CHD7: variants seen among roughly 807,000 people sequenced by gnomAD.
CHD7 encodes ATP-dependent chromatin remodeler CHD7.
Under a neutral mutation model 307.3 loss-of-function variants are expected in CHD7, and 24 were observed. The ratio of observed to expected loss-of-function variants is 0.08; its 90% confidence interval spans 0.06 to 0.11. CHD7 has a LOEUF of 0.11. Among genes scored for constraint, CHD7 ranks in the 10% least tolerant of loss-of-function variants. The pLI, the probability that CHD7 is intolerant of heterozygous loss-of-function variation, is 1.00. For missense variants in CHD7, 3,106 were observed against 3,727.1 expected, an observed-to-expected ratio of 0.83 and a Z score of 4.34; for synonymous variants, 1,363 against 1,349.9, an observed-to-expected ratio of 1.01 and a Z score of -0.21.
chr8:60,808,427 T>C (rs1274071819), intron 7 of CHD7, among the ~76,000 whole-genome samples, 155 bp downstream of exon 7: 1 of 152,230 alleles, frequency 6.6e-6, no homozygotes, highest in Non-Finnish European at 1.5e-5. Context: ...TTTTGTATGT[T>C]TGATATTTTA....
At chr8:60,765,565 G>T (rs187725066) in intron 2 of CHD7, among the ~76,000 whole-genome samples, 4 of 152,350 alleles carry the variant, frequency 2.6e-5, no homozygotes, top group Non-Finnish European at 5.9e-5. Context: ...AAGAGAGTGG[G>T]AAAGGACATT....
At chr8:60,784,093 T>A (rs943990885) in intron 3 of CHD7, among the ~76,000 whole-genome samples, 1 of 152,146 alleles carries the variant, frequency 6.6e-6, no homozygotes, top group African/African-American at 2.4e-5. Context: ...ATAACTAGAG[T>A]GCATACAACT....
chr8:60,763,729 A>T (rs925385055), intron 2 of CHD7, among the ~76,000 whole-genome samples: 4 of 152,156 alleles, frequency 2.6e-5, no homozygotes, highest in Non-Finnish European at 4.4e-5. Flanking sequence ...AAGCTCTTTA[A>T]GCCCAGCATA....
intron 3 of CHD7, among the ~76,000 whole-genome samples, chr8:60,785,527 T>C (rs1811450882): frequency 6.6e-6 from 1 of 152,226 alleles, no homozygotes. Context: ...AGCAGCTTTC[T>C]CTGAGGAACT....
intron 21 of CHD7, among the ~76,000 whole-genome samples, chr8:60,844,377 C>T (rs943147204): frequency 5.3e-5 from 8 of 152,318 alleles, no homozygotes; most frequent in South Asian, 4.1e-4. Flanking sequence ...CAGAACCTTT[C>T]ACCAGTGACT....
intron 1 of CHD7, among the ~76,000 whole-genome samples, chr8:60,681,550 C>T (rs1011263036): frequency 1.3e-5 from 2 of 152,018 alleles, no homozygotes; most frequent in Non-Finnish European, 2.9e-5. Flanking sequence ...AAAAATCTGT[C>T]TTGTAGAAAA....
chr8:60,774,305 T>A (rs946172865), intron 2 of CHD7, among the ~76,000 whole-genome samples: 3 of 152,200 alleles, frequency 2.0e-5, no homozygotes, highest in African/African-American at 7.2e-5. Context: ...AGCAATAATA[T>A]AACTCACCTC....
chr8:60,780,167 A>G (rs1473857614), intron 2 of CHD7, among the ~76,000 whole-genome samples: 2 of 152,228 alleles, frequency 1.3e-5, no homozygotes, highest in African/African-American at 4.8e-5. Context: ...AGGCTGTTGT[A>G]TGCAGGAGTC....
Position 60,783,895 on chromosome 8 carries a change from T to C in CHD7, c.2096+2465T>C, listed in dbSNP as rs376151262. Among the ~76,000 whole-genome samples, 4 of 152,320 alleles carry C rather than the reference T, an allele frequency of 2.6e-5. No individual in the cohort carries two copies. The East Asian group carries it at 5.8e-4, about 22-fold the overall frequency. The stretch of plus-strand genomic sequence containing the variant: ...AGGACATTCCTGAACTTCCCTGTTG[T>C]TGACAGTCAAACAGGGATGGCTGTC... On this transcript the variant is annotated intron_variant, in intron 3 of 37. Coordinates refer to ENST00000423902, the MANE Select transcript of CHD7 (RefSeq NM_017780.4).
intron 4 of CHD7, 93 bp downstream of exon 4, chr8:60,795,220 A>G: frequency 1.7e-6 from 2 of 1,184,220 alleles, no homozygotes; most frequent in Non-Finnish European, 2.4e-6. Flanking sequence ...CTATCTTGTT[A>G]TAGAGATGCT....
At chr8:60,798,206 T>A (rs949464791) in intron 4 of CHD7, among the ~76,000 whole-genome samples, 5 of 149,272 alleles carry the variant, frequency 3.3e-5, no homozygotes, top group African/African-American at 1.3e-4. Context: ...TCTGCTGGAA[T>A]CTCTGTTTCC....
chr8:60,739,980 CA>C (rs1563557387), intron 1 of CHD7, among the ~76,000 whole-genome samples: 2 of 152,100 alleles, frequency 1.3e-5, no homozygotes, highest in African/African-American at 4.8e-5. Flanking sequence ...AGTTAAATTC[CA>C]AAGATGTTTA....
At chr8:60,809,431 G>A (rs1812688805) in intron 7 of CHD7, 1 of 152,122 alleles carries the variant, frequency 6.6e-6, no homozygotes, top group South Asian at 2.1e-4. Context: ...GAGTTCCCTT[G>A]TAGATTTACC....
intron 2 of CHD7, among the ~76,000 whole-genome samples, chr8:60,748,287 G>A (rs1809432529): frequency 6.6e-6 from 1 of 152,156 alleles, no homozygotes; most frequent in Non-Finnish European, 1.5e-5. Flanking sequence ...GATGGATAAA[G>A]GAGGGAAAAG....
chr8:60,771,614 C>T lies in CHD7; in HGVS notation c.1666-9386C>T, dbSNP rs548577226. On this transcript the variant is annotated intron_variant, in intron 2 of 37. Coordinates refer to ENST00000423902, the MANE Select transcript of CHD7 (RefSeq NM_017780.4). ...GGGCATGGTTTAGCTGGGTCCTCTACTCGAGCCTCACAAGGCTGTAGTCAG... is the reference window on the plus strand; with the variant it reads ...GGGCATGGTTTAGCTGGGTCCTCTATTCGAGCCTCACAAGGCTGTAGTCAG... Among the ~76,000 whole-genome samples, 14 of 139,310 alleles carry T rather than the reference C, an allele frequency of 1.0e-4. 1 individual carries two copies. The East Asian group carries it at 3.1e-3, about 30-fold the overall frequency. The allele number at this position is 139,310 out of a possible 152,430, so 91.4% of individuals were successfully genotyped here.
intron 1 of CHD7, among the ~76,000 whole-genome samples, chr8:60,708,512 C>T (rs1563532449): frequency 6.6e-6 from 1 of 152,154 alleles, no homozygotes; most frequent in Non-Finnish European, 1.5e-5. Flanking sequence ...TGCATTTAAC[C>T]CTTGAAAACA....
intron 13 of CHD7, among the ~76,000 whole-genome samples, 187 bp from the exon 14 acceptor site, chr8:60,828,476 C>T (rs1020448323): frequency 6.6e-6 from 1 of 152,190 alleles, no homozygotes; most frequent in African/African-American, 2.4e-5. Context: ...CTGGAGAGGA[C>T]TGTCCATGGA....
At chr8:60,791,733 G>T (rs184716040) in intron 3 of CHD7, among the ~76,000 whole-genome samples, 1 of 152,320 alleles carries the variant, frequency 6.6e-6, no homozygotes, top group East Asian at 1.9e-4. Flanking sequence ...TTAATAGCCT[G>T]GGCGGGAAAT....
intron 16 of CHD7, among the ~76,000 whole-genome samples, 163 bp from the exon 17 acceptor site, chr8:60,836,654 A>G (rs1804755202): frequency 6.6e-6 from 1 of 152,246 alleles, no homozygotes; most frequent in Non-Finnish European, 1.5e-5. Flanking sequence ...AATCAATTAT[A>G]TAAAAAACGC....
Sources: gnomAD v4.1 joint callset for allele counts (sites outside exome capture counted in the v4.1 genomes callset) on GRCh38, gnomAD v4.1.1 for gene constraint, MANE v1.5 for transcripts, NCBI Gene and HGNC (gene_info 2026-07-23, HGNC 2026-07-21) for gene names.